Variants in NCOA3 observed in about 807,000 individuals in gnomAD.
NCOA3 encodes CBP-interacting protein.
Under a neutral mutation model 158.8 loss-of-function variants are expected in NCOA3, and 51 were observed. That is an observed-to-expected ratio of 0.32 (90% CI 0.26 to 0.41). The LOEUF (loss-of-function observed/expected upper bound fraction) is 0.41. NCOA3 is among the 10% of genes least tolerant of loss of function. The pLI is 1.00. For synonymous variants in NCOA3, 537 were observed against 592.4 expected (o/e 0.91, Z 1.36); for missense variants, 1,510 against 1,746.6 (o/e 0.86, Z 2.41).
rs746293109 is a variant in NCOA3 at position 47,625,424 on chromosome 20, A to G, written c.300A>G (p.Val100=). Residue 100 remains valine, a synonymous_variant, in exon 5 of 23, where the codon GTA becomes GTG. Transcript: ENST00000371998. ...SNDDDVQKAD[V]SSTGQGVIDK... ...ATGATGATGTTCAAAAAGCCGATGT[A>G]TCTTCTACAGGGCAGGGAGTTATTG... 1.5e-5 allele frequency: 24 copies of G among 1,613,742 alleles called. No individual in the cohort carries two copies. The African/African-American group carries it at 2.0e-4, about 13-fold the overall frequency.
chr20:47,524,163 C>T (rs1440665978), intron 1 of NCOA3, among the ~76,000 whole-genome samples: 1 of 152,164 alleles, frequency 6.6e-6, no homozygotes, highest in African/African-American at 2.4e-5. Context: ...CAGAAGAGGC[C>T]TACAGCCTGA....
intron 1 of NCOA3, among the ~76,000 whole-genome samples, chr20:47,547,435 C>T (rs999074534): frequency 2.7e-5 from 4 of 150,166 alleles, no homozygotes; most frequent in Non-Finnish European, 5.9e-5. Flanking sequence ...TTATTTTAGA[C>T]GGAGTCTCGC....
chr20:47,641,490 CTTTTTTTTTTTTT>C (rs71183270), intron 16 of NCOA3, among the ~76,000 whole-genome samples: 66 of 48,366 alleles, frequency 1.4e-3, no homozygotes, highest in Middle Eastern at 0.031. Context: ...TGGCTCCCTT[CTTTTTTTTTTTTT>C]TTTTTTTTTT....
At position 47,636,273 on chromosome 20, in the gene NCOA3, T is replaced by C. The variant is rs1374560534; in HGVS notation, c.1887T>C (p.Ser629=). The part of the protein sequence containing the change: ...KKLLQLLTCS[S]DDRGHSSLTN... Reference sequence around the variant, plus strand: ...TACTGCAGTTACTTACCTGTTCTTCTGATGACCGGGGTCATTCCTCCTTGA... The same window carrying C: ...TACTGCAGTTACTTACCTGTTCTTCCGATGACCGGGGTCATTCCTCCTTGA... Residue 629 remains serine, a synonymous_variant, in exon 12 of 23, where the codon TCT becomes TCC. Transcript: ENST00000371998. 1 of 1,614,096 alleles carries C rather than the reference T, an allele frequency of 6.2e-7. No individual in the cohort carries two copies. Among genetic ancestry groups the C allele is most frequent in the African/African-American group, 1.3e-5 (1 of 74,932 alleles).
At chr20:47,650,320 G>A (rs1037792303) in intron 19 of NCOA3, among the ~76,000 whole-genome samples, 1 of 145,396 alleles carries the variant, frequency 6.9e-6, no homozygotes, top group Non-Finnish European at 1.5e-5. Flanking sequence ...GCACGATCTC[G>A]GCTCACTGCA....
intron 2 of NCOA3, among the ~76,000 whole-genome samples, chr20:47,603,796 T>C (rs2085902160): frequency 6.6e-6 from 1 of 152,228 alleles, no homozygotes; most frequent in African/African-American, 2.4e-5. Context: ...TGCCGTGCCA[T>C]TCTGCCATTC....
chr20:47,533,653 G>T (rs2084586790), intron 1 of NCOA3, among the ~76,000 whole-genome samples: 1 of 152,154 alleles, frequency 6.6e-6, no homozygotes, highest in South Asian at 2.1e-4. Flanking sequence ...GCTAGGCCAG[G>T]TGCACTGGCT....
chr20:47,544,034 C>G (rs2084786980), intron 1 of NCOA3, among the ~76,000 whole-genome samples: 1 of 152,012 alleles, frequency 6.6e-6, no homozygotes, highest in South Asian at 2.1e-4. Flanking sequence ...GTAGAGTTTT[C>G]CTGTGTACTC....
intron 8 of NCOA3, chr20:47,628,898 G>A (rs1484411655): frequency 6.6e-6 from 1 of 152,178 alleles, no homozygotes; most frequent in Non-Finnish European, 1.5e-5. Context: ...GGGATGCCAA[G>A]GGTTTGTCAT....
intron 2 of NCOA3, among the ~76,000 whole-genome samples, chr20:47,619,241 G>T (rs993517239): frequency 6.6e-6 from 1 of 152,170 alleles, no homozygotes; most frequent in Admixed American, 6.5e-5. Context: ...TTAAAGAAGT[G>T]CTGTTATCCA....
intron 2 of NCOA3, among the ~76,000 whole-genome samples, chr20:47,601,822 G>A (rs552539484): frequency 6.6e-6 from 1 of 152,262 alleles, no homozygotes; most frequent in African/African-American, 2.4e-5. Context: ...TCAAAATTGC[G>A]TTTTCTGGGT....
intron 2 of NCOA3, among the ~76,000 whole-genome samples, chr20:47,599,265 T>C (rs1450547140): frequency 6.6e-6 from 1 of 152,124 alleles, no homozygotes; most frequent in Non-Finnish European, 1.5e-5. Flanking sequence ...GAACTAGATA[T>C]TGTGTGATGC....
intron 1 of NCOA3, among the ~76,000 whole-genome samples, chr20:47,554,190 A>T (rs2084966533): frequency 6.6e-6 from 1 of 152,170 alleles, no homozygotes; most frequent in Non-Finnish European, 1.5e-5. Flanking sequence ...GGCTGCATAA[A>T]TGTCTTCTTT....
intron 1 of NCOA3, among the ~76,000 whole-genome samples, chr20:47,564,484 A>G (rs2085160371): frequency 6.6e-6 from 1 of 152,078 alleles, no homozygotes; most frequent in Non-Finnish European, 1.5e-5. Context: ...CTCTCACCTC[A>G]AGGAGCTTGC....
At position 47,622,547 on chromosome 20, in the gene NCOA3, G is replaced by T. The variant is rs72645241; in HGVS notation, c.83+217G>T. On this transcript the variant is annotated intron_variant, in intron 3 of 22. Transcript: ENST00000371998. ...ATAGAAGGTAGAATATTAACAATTC[G>T]CGGTACTATAAGAATTTCTGAATGG... is the stretch of plus-strand genomic sequence containing the variant. 4.6e-3 allele frequency among the ~76,000 whole-genome samples: 703 copies of T among 152,040 alleles called. 3 individuals carry two copies. The highest frequency in any genetic ancestry group is 0.015 in the African/African-American group (633 of 41,478).
chr20:47,627,941 C>G lies in NCOA3; in HGVS notation c.741C>G (p.Ile247Met). 6.2e-7 allele frequency: 1 copy of G among 1,613,678 alleles called. No homozygotes were observed. The change falls in exon 8 of 23, where the codon ATC becomes ATG. Residue 247 changes from isoleucine to methionine, a missense_variant. Physicochemically the swap from Ile to Met is conservative, Grantham distance 10. Transcript: ENST00000371998. The part of the protein sequence containing the change: ...EEGEDLQSCM[I>M]CVARRITTGE... ...TTGTAGATTTGCAATCTTGTATGAT[C>G]TGTGTGGCACGCCGCATTACTACAG...
Position 47,627,563 on chromosome 20 carries a change from A to T in NCOA3, c.535A>T (p.Asn179Tyr). 1.3e-6 allele frequency: 2 copies of T among 1,598,528 alleles called. No homozygotes were observed. The highest frequency in any genetic ancestry group is 1.7e-6 in the Non-Finnish European group (2 of 1,173,430). ...TCATTTCAATTTGTTTTCCAAAGTT[A>T]ATGGAGTTTCCTGGACAAATGAGAC... The part of the protein sequence containing the change: ...FLKNLPKSTV[N>Y]GVSWTNETQR... The change falls in exon 7 of 23, where the codon AAT becomes TAT. Residue 179 changes from asparagine to tyrosine, a missense_variant and splice_region_variant. Coordinates refer to ENST00000371998, the MANE Select transcript of NCOA3 (RefSeq NM_181659.3).
At chr20:47,558,820 C>CTTTTTT (rs56997127) in intron 1 of NCOA3, among the ~76,000 whole-genome samples, 1 of 114,500 alleles carries the variant, frequency 8.7e-6, no homozygotes, top group Non-Finnish European at 1.8e-5. Context: ...ACTTTTTTCA[C>CTTTTTT]TTTTTTTTTT....
rs570486374 is a variant in NCOA3, at chr20:47,502,692, T to C, written c.-99+673T>C. ...TGATAAAATTAGGAGTTTGGCTGTCTTTATTACTACTTTTTTTTTTTTTTT... is the reference window on the plus strand; with the variant it reads ...TGATAAAATTAGGAGTTTGGCTGTCCTTATTACTACTTTTTTTTTTTTTTT... On this transcript the variant is annotated intron_variant, in intron 1 of 22. Transcript: ENST00000371998. Among the ~76,000 whole-genome samples the C allele has an allele frequency of 8.9e-5, 12 of 134,814 alleles. No individual in the cohort carries two copies. The South Asian group carries it at 2.8e-3, about 32-fold the overall frequency. 88.4% of individuals were successfully genotyped at this position (134,814 alleles called of 152,430 possible).
Sources: gnomAD v4.1 joint callset for allele counts (sites outside exome capture counted in the v4.1 genomes callset) on GRCh38, gnomAD v4.1.1 for gene constraint, MANE v1.5 for transcripts, NCBI Gene and HGNC (gene_info 2026-07-23, HGNC 2026-07-21) for gene names.